SORCS1: variants seen among roughly 807,000 people sequenced by gnomAD.
SORCS1 encodes sortilin related VPS10 domain containing receptor 1, also known as VPS10 domain-containing receptor SorCS1.
SORCS1 carries 60 observed loss-of-function variants against 146.1 expected under a neutral mutation model. The observed-to-expected ratio is 0.41, with a 90% CI of 0.33 to 0.51. The LOEUF is 0.51. SORCS1 is among the 20% of genes least tolerant of loss of function. The probability of loss-of-function intolerance (pLI) is 0.21; values close to 1 mark genes in which losing one functional copy is unlikely to be tolerated. For missense variants in SORCS1, 1,352 were observed against 1,487.6 expected, an observed-to-expected ratio of 0.91 and a Z score of 1.50; for synonymous variants, 637 against 584.0, an observed-to-expected ratio of 1.09 and a Z score of -1.31.
At chr10:107,012,888 G>C (rs975220571) in intron 1 of SORCS1, among the ~76,000 whole-genome samples, 3 of 152,018 alleles carry the variant, frequency 2.0e-5, no homozygotes, top group Admixed American at 6.6e-5. Context: ...AAATATGAAG[G>C]ATGCATCCTA....
chr10:106,672,546 A>G (rs1214009940), intron 15 of SORCS1, among the ~76,000 whole-genome samples: 1 of 152,140 alleles, frequency 6.6e-6, no homozygotes, highest in Non-Finnish European at 1.5e-5. Context: ...CCCTGCCCCC[A>G]CCATGCAACC....
At chr10:106,722,754 C>A (rs1171889804) in intron 6 of SORCS1, among the ~76,000 whole-genome samples, 2 of 152,140 alleles carry the variant, frequency 1.3e-5, no homozygotes, top group Non-Finnish European at 1.5e-5. Context: ...AAGGGAGAAG[C>A]AATAATGGCC....
In SORCS1 at chr10:106,574,117, A is replaced by T. The variant is rs922440389; in HGVS notation, c.*3303T>A. ...ATGAGAGATTTCAATGCTCAGTTGG[A>T]TTCCTGGAAAACACAGAACAGCTGC... On this transcript the variant is annotated 3_prime_UTR_variant, in exon 26 of 26. Transcript: ENST00000263054. 3 of 152,242 alleles carry T rather than the reference A, an allele frequency of 2.0e-5. No individual in the cohort carries two copies. Among genetic ancestry groups the T allele is most frequent in the Non-Finnish European group, 4.4e-5 (3 of 67,988 alleles). 9.4% of individuals were successfully genotyped at this position (152,242 alleles called of 1,614,324 possible).
intron 9 of SORCS1, among the ~76,000 whole-genome samples, chr10:106,689,240 G>T (rs1853111967): frequency 6.6e-6 from 1 of 152,054 alleles, no homozygotes; most frequent in African/African-American, 2.4e-5. Context: ...AAATAATTGT[G>T]CATTACATTT....
chr10:106,580,018 A>G (rs1380223629), intron 24 of SORCS1, among the ~76,000 whole-genome samples: 4 of 152,110 alleles, frequency 2.6e-5, no homozygotes, highest in African/African-American at 4.8e-5. Context: ...CAGATTGCCA[A>G]TAAAACCACC....
intron 2 of SORCS1, among the ~76,000 whole-genome samples, chr10:106,831,036 T>C (rs988913757): frequency 6.6e-6 from 1 of 151,902 alleles, no homozygotes; most frequent in Non-Finnish European, 1.5e-5. Context: ...CTACTAAAAA[T>C]ACAAAAATTA....
intron 5 of SORCS1, among the ~76,000 whole-genome samples, chr10:106,757,121 G>A (rs1028040186): frequency 1.3e-5 from 2 of 152,138 alleles, no homozygotes; most frequent in African/African-American, 4.8e-5. Flanking sequence ...CTGTGATAAC[G>A]TAAGAATAAG....
intron 3 of SORCS1, among the ~76,000 whole-genome samples, chr10:106,827,206 C>CTTT (rs71025560): frequency 9.9e-4 from 134 of 135,886 alleles, no homozygotes; most frequent in African/African-American, 3.0e-3. Flanking sequence ...TATTTGGCAT[C>CTTT]TTTTTTTTTT....
chr10:106,978,777 G>A lies in SORCS1; in HGVS notation c.559-22197C>T, dbSNP rs555558885. ...AGTGCCACTGCACTCCAGCCTGGGC[G>A]ACAGAATGAGACTCCATCTCAAAAA... On this transcript the variant is annotated intron_variant, in intron 1 of 25. Transcript: ENST00000263054. 1.7e-4 allele frequency among the ~76,000 whole-genome samples: 25 copies of A among 147,032 alleles called. No homozygotes were observed. The South Asian group carries it at 5.2e-3, about 30-fold the overall frequency.
chr10:106,879,637 G>T (rs180698285), intron 2 of SORCS1, among the ~76,000 whole-genome samples: 90 of 152,328 alleles, frequency 5.9e-4, no homozygotes, highest in African/African-American at 2.1e-3. Context: ...CCTAAAGGCA[G>T]AAGAAAAAGA....
chr10:106,981,882 G>A (rs1427135062), intron 1 of SORCS1, among the ~76,000 whole-genome samples: 1 of 152,174 alleles, frequency 6.6e-6, no homozygotes, highest in Non-Finnish European at 1.5e-5. Flanking sequence ...AGGGTTTGAA[G>A]TCTTCATGGA....
At chr10:106,726,357 C>T (rs1255658158) in intron 6 of SORCS1, among the ~76,000 whole-genome samples, 2 of 56,156 alleles carry the variant, frequency 3.6e-5, no homozygotes, top group African/African-American at 1.8e-4. Flanking sequence ...ATGCTGCCTT[C>T]GCAAAAAAAA....
chr10:106,914,419 C>T (rs552304759), intron 2 of SORCS1, among the ~76,000 whole-genome samples: 15 of 152,234 alleles, frequency 9.9e-5, no homozygotes, highest in African/African-American at 3.1e-4. Context: ...TCTCTTTTAA[C>T]TAAAGGGGCC....
At chr10:106,795,914 T>C (rs538669733) in intron 3 of SORCS1, among the ~76,000 whole-genome samples, 5 of 152,280 alleles carry the variant, frequency 3.3e-5, no homozygotes, top group Admixed American at 2.6e-4. Context: ...AATTTCATCA[T>C]GGTCAAATGC....
intron 17 of SORCS1, among the ~76,000 whole-genome samples, chr10:106,656,322 G>T (rs1850282917): frequency 6.6e-6 from 1 of 152,178 alleles, no homozygotes; most frequent in Non-Finnish European, 1.5e-5. Context: ...AGGCCGAGGT[G>T]AGCAGATCAT....
Position 106,853,065 on chromosome 10 carries a change from T to A in SORCS1, c.627-23392A>T, listed in dbSNP as rs374130360. ...AAATTGGCATAATTTATTTCTGAAA[T>A]GTATGGGAAAATTCACCAGTGAACT... is the stretch of plus-strand genomic sequence containing the variant. On this transcript the variant is annotated intron_variant, in intron 2 of 25. Coordinates refer to ENST00000263054, the MANE Select transcript of SORCS1 (RefSeq NM_052918.5). 1.2e-3 allele frequency among the ~76,000 whole-genome samples: 179 copies of A among 152,316 alleles called. 3 individuals are homozygous for A. The South Asian group carries it at 0.035, about 30-fold the overall frequency.
At chr10:106,836,740 A>T (rs56659412) in intron 2 of SORCS1, among the ~76,000 whole-genome samples, 3,598 of 152,272 alleles carry the variant, frequency 0.024, 135 homozygotes, top group African/African-American at 0.08. Context: ...ATTAAATAAA[A>T]AAAAAAAAAG....
intron 2 of SORCS1, among the ~76,000 whole-genome samples, chr10:106,867,459 T>C (rs1950262549): frequency 6.6e-6 from 1 of 152,094 alleles, no homozygotes; most frequent in South Asian, 2.1e-4. Flanking sequence ...TAATTTCTGG[T>C]ATTTTTAGTA....
chr10:106,979,728 G>A lies in SORCS1; in HGVS notation c.559-23148C>T, dbSNP rs57149587. ...TCACAGGAGCCCTCTGCCATCACTC[G>A]TGTGGCCCTCTCAGGCATTTAAGTT... On this transcript the variant is annotated intron_variant, in intron 1 of 25. Coordinates refer to ENST00000263054, the MANE Select transcript of SORCS1 (RefSeq NM_052918.5). Among the ~76,000 whole-genome samples the A allele has an allele frequency of 3.9e-3, 593 of 152,252 alleles. 4 individuals carry two copies. Among genetic ancestry groups the A allele is most frequent in the Middle Eastern group, 0.014 (4 of 294 alleles).
Sources: gnomAD v4.1 joint callset for allele counts (sites outside exome capture counted in the v4.1 genomes callset) on GRCh38, gnomAD v4.1.1 for gene constraint, MANE v1.5 for transcripts, NCBI Gene and HGNC (gene_info 2026-07-23, HGNC 2026-07-21) for gene names.